Variants in ZNF350 observed in about 807,000 individuals in gnomAD.
The protein encoded by ZNF350 is zinc finger protein 350, also known as KRAB zinc finger protein ZFQR.
ZNF350 carries 5 observed loss-of-function variants against 13.1 expected under a neutral mutation model. That is an observed-to-expected ratio of 0.38 (90% CI 0.20 to 0.80). The LOEUF is 0.80. ZNF350 is among the 30% of genes least tolerant of loss of function. ZNF350 has a pLI of 0.43. For synonymous variants in ZNF350, 199 were observed against 224.2 expected (o/e 0.89, Z 1.00); for missense variants, 534 against 644.2 (o/e 0.83, Z 1.85).
At chr19:51,967,637 GAAAGC>G (rs1568477965) in intron 4 of ZNF350, among the ~76,000 whole-genome samples, 1 of 152,066 alleles carries the variant, frequency 6.6e-6, no homozygotes, top group Non-Finnish European at 1.5e-5. Flanking sequence ...GGAAAAAAAC[GAAAGC>G]AAATTATTAA....
chr19:51,972,704 T>C (rs965050693), intron 2 of ZNF350, among the ~76,000 whole-genome samples: 4 of 144,064 alleles, frequency 2.8e-5, no homozygotes, highest in African/African-American at 1.1e-4. Flanking sequence ...CTTTTATTAA[T>C]ACATATATAG....
chr19:51,970,275 C>T (rs540010837), intron 2 of ZNF350, among the ~76,000 whole-genome samples: 23 of 152,054 alleles, frequency 1.5e-4, no homozygotes, highest in Admixed American at 3.9e-4. Flanking sequence ...GTTGGCCAGG[C>T]TGTTCTCAAA....
intron 2 of ZNF350, among the ~76,000 whole-genome samples, chr19:51,971,701 G>A (rs1206099503): frequency 6.6e-6 from 1 of 152,146 alleles, no homozygotes; most frequent in East Asian, 1.9e-4. Context: ...TAAATGCAGA[G>A]GGCTGTGTAA....
intron 2 of ZNF350, among the ~76,000 whole-genome samples, chr19:51,972,788 A>C (rs928007888): frequency 6.6e-6 from 1 of 152,088 alleles, no homozygotes; most frequent in African/African-American, 2.4e-5. Flanking sequence ...ATTAGGAAGA[A>C]AATATGTGAA....
At chr19:51,983,415 A>G (rs189265695) in intron 1 of ZNF350, among the ~76,000 whole-genome samples, 39 of 152,212 alleles carry the variant, frequency 2.6e-4, no homozygotes, top group Admixed American at 6.5e-4. Flanking sequence ...AAAGAGGAAG[A>G]CCTCTTTACA....
In ZNF350 at chr19:51,965,543, T is replaced by C; in HGVS notation, c.910A>G (p.Asn304Asp). The C allele has an allele frequency of 1.2e-6, 2 of 1,614,168 alleles. No homozygotes were observed. Among genetic ancestry groups the C allele is most frequent in the South Asian group, 1.1e-5 (1 of 91,084 alleles). The change falls in exon 5 of 5, where the codon AAT (asparagine) becomes GAT (aspartate). Residue 304 changes from asparagine to aspartate, a missense_variant. Physicochemically the swap from Asn to Asp is conservative, Grantham distance 23 (BLOSUM62 1). Transcript: ENST00000243644. ...ECGKGFIQKG[N>D]LIVHQRIHTG... ...TGAATTCGCTGGTGTACAATGAGAT[T>C]TCCTTTCTGGATGAAGCCTTTTCCA...
Position 51,966,128 on chromosome 19 carries a change from A to G in ZNF350, c.325T>C (p.Phe109Leu), listed in dbSNP as rs2085561129. The G allele has an allele frequency of 1.9e-6, 3 of 1,613,990 alleles. No individual in the cohort carries two copies. In the African/African-American group the frequency reaches 4.0e-5, roughly 22 times the overall value. The change falls in exon 5 of 5, where the codon TTT becomes CTT. Residue 109 changes from phenylalanine to leucine, a missense_variant. Transcript: ENST00000243644. ...TTGCTGCAATGAACAATATTTTCAA[A>G]TGCATCATGTTCATGACATGGTTTC... ...RRKPCHEHDA[F>L]ENIVHCSKSQ...
intron 1 of ZNF350, among the ~76,000 whole-genome samples, chr19:51,979,309 T>C (rs1392232448): frequency 1.3e-5 from 2 of 152,174 alleles, no homozygotes; most frequent in African/African-American, 2.4e-5. Context: ...ATTGGGCATA[T>C]GTTCCCAATC....
chr19:51,978,234 G>T (rs2085947372), intron 1 of ZNF350, among the ~76,000 whole-genome samples: 1 of 151,996 alleles, frequency 6.6e-6, no homozygotes, highest in African/African-American at 2.4e-5. Context: ...CTCAACCCAG[G>T]AACACCAGGA....
At position 51,969,035 on chromosome 19, in the gene ZNF350, A is replaced by G. The variant is rs767813222; in HGVS notation, c.112T>C (p.Leu38=). 11 of 1,614,008 alleles carry G rather than the reference A, an allele frequency of 6.8e-6. No individual in the cohort carries two copies. In the African/African-American group the frequency reaches 1.2e-4, roughly 18 times the overall value. ...GCCACCAGGTTGCTGTAGTTCTCCAACATCACATCCCGGTACAGGTCCTTC... is the reference window on the plus strand; with the variant it reads ...GCCACCAGGTTGCTGTAGTTCTCCAGCATCACATCCCGGTACAGGTCCTTC... ...AQKDLYRDVM[L]ENYSNLVAVG... is the part of the protein sequence containing the mutation. Residue 38 remains leucine (L), a synonymous_variant, in exon 3 of 5, where the codon TTG becomes CTG. Transcript: ENST00000243644.
rs1255958121 is a variant in ZNF350 at position 51,976,036 on chromosome 19, C to T, written c.-171-1505G>A. 6.6e-6 allele frequency among the ~76,000 whole-genome samples: 1 copy of T among 152,092 alleles called. No homozygotes were observed. The highest frequency in any genetic ancestry group is 1.5e-5 in the Non-Finnish European group (1 of 68,018). On this transcript the variant is annotated intron_variant, in intron 1 of 4. Coordinates refer to ENST00000243644, the MANE Select transcript of ZNF350 (RefSeq NM_021632.4). This position sits in a 1 kb window ranked among gnomAD's most constrained non-coding sequence, Gnocchi z 4.5. ...TTTGCTGGAGGCAATCACTCCCTGGCGCCGTTATCTACTGCGACATCTAGA... is the reference window on the plus strand; with the variant it reads ...TTTGCTGGAGGCAATCACTCCCTGGTGCCGTTATCTACTGCGACATCTAGA...
chr19:51,972,226 C>G (rs1476630780), intron 2 of ZNF350, among the ~76,000 whole-genome samples: 5 of 148,210 alleles, frequency 3.4e-5, no homozygotes, highest in African/African-American at 1.3e-4. Context: ...CTTTGGGAGG[C>G]AGGAGGATTG....
intron 1 of ZNF350, among the ~76,000 whole-genome samples, chr19:51,978,442 A>G (rs1294851978): frequency 1.3e-5 from 2 of 152,206 alleles, no homozygotes; most frequent in Non-Finnish European, 2.9e-5. Context: ...AGTAGTTTTA[A>G]TGTCACAAAA....
intron 1 of ZNF350, among the ~76,000 whole-genome samples, chr19:51,979,384 T>A (rs1015738269): frequency 6.6e-6 from 1 of 151,960 alleles, no homozygotes; most frequent in Non-Finnish European, 1.5e-5. Flanking sequence ...TCAGGGAGAG[T>A]GGGCTCCAGG....
intron 2 of ZNF350, among the ~76,000 whole-genome samples, chr19:51,970,486 G>C (rs2085708051): frequency 6.6e-6 from 1 of 152,098 alleles, no homozygotes; most frequent in South Asian, 2.1e-4. Context: ...TATGTGCTCA[G>C]TTCAGATGCT....
At chr19:51,985,369 G>A (rs573505664) in intron 1 of ZNF350, among the ~76,000 whole-genome samples, 21 of 152,218 alleles carry the variant, frequency 1.4e-4, no homozygotes, top group African/African-American at 4.8e-4. Context: ...GCATTACAAA[G>A]TAAGACAGAA....
chr19:51,972,718 T>C (rs1021106216), intron 2 of ZNF350, among the ~76,000 whole-genome samples: 2 of 151,820 alleles, frequency 1.3e-5, no homozygotes, highest in Non-Finnish European at 2.9e-5. Flanking sequence ...TATATAGACA[T>C]AGATCCACAA....
chr19:51,976,361 T>G lies in ZNF350; in HGVS notation c.-171-1830A>C, dbSNP rs890187280. Reference sequence around the variant, plus strand: ...CCAAATACACTCTTTTGTCTCATCTTTATTCCCGTGTTCACCCCACTTTGT... The same window carrying G: ...CCAAATACACTCTTTTGTCTCATCTGTATTCCCGTGTTCACCCCACTTTGT... On this transcript the variant is annotated intron_variant, in intron 1 of 4. Transcript: ENST00000243644. This position sits in a 1 kb window ranked among gnomAD's most constrained non-coding sequence, Gnocchi z 4.5. 1 of 152,272 alleles carries G rather than the reference T, an allele frequency of 6.6e-6. No homozygotes were observed. The highest frequency in any genetic ancestry group is 2.4e-5 in the African/African-American group (1 of 41,452). 9.4% of individuals were successfully genotyped at this position (152,272 alleles called of 1,614,324 possible). A position where few individuals can be genotyped will look rare whatever the true frequency, so the allele number is the denominator to read the frequency against.
At chr19:51,968,058 G>A (rs1035615223) in intron 4 of ZNF350, among the ~76,000 whole-genome samples, 1 of 152,176 alleles carries the variant, frequency 6.6e-6, no homozygotes, top group African/African-American at 2.4e-5. Flanking sequence ...TGGAGAACGG[G>A]ACCTTTGGAG....
Sources: allele counts gnomAD v4.1 joint callset (sites outside exome capture counted in the v4.1 genomes callset), GRCh38; gene constraint gnomAD v4.1.1; non-coding constraint Gnocchi (gnomAD v3.1); transcripts MANE v1.5; gene names NCBI Gene and HGNC (gene_info 2026-07-23, HGNC 2026-07-21).